CEPT1: variants seen among roughly 807,000 people sequenced by gnomAD.
The protein encoded by CEPT1 is choline/ethanolamine phosphotransferase 1.
A neutral mutation model predicts 42.6 loss-of-function variants in CEPT1; 7 were observed. The observed-to-expected ratio is 0.16, with a 90% confidence interval of 0.09 to 0.31. The LOEUF (loss-of-function observed/expected upper bound fraction) is 0.31. Ranked by LOEUF, CEPT1 falls within the 10% of genes least tolerant of loss-of-function variation. CEPT1 has a pLI of 1.00. For missense variants in CEPT1, 306 were observed against 502.1 expected (o/e 0.61, Z 3.73); for synonymous variants, 171 against 171.9 (o/e 0.99, Z 0.04).
At chr1:111,167,627 T>C in intron 4 of CEPT1, 1 of 979,226 alleles carries the variant, frequency 1.0e-6, no homozygotes, top group Non-Finnish European at 1.2e-6. Flanking sequence ...TTAACTTCTT[T>C]AGCATATACT....
chr1:111,150,623 A>G (rs556254763), intron 2 of CEPT1, among the ~76,000 whole-genome samples: 2 of 152,276 alleles, frequency 1.3e-5, no homozygotes, highest in Middle Eastern at 3.4e-3. Flanking sequence ...CGAACTTCCC[A>G]TATATTTTTT....
intron 1 of CEPT1, chr1:111,140,691 T>A (rs1654439921): frequency 6.6e-6 from 1 of 152,410 alleles, no homozygotes; most frequent in African/African-American, 2.4e-5. Context: ...GGACCTTGCT[T>A]GTCAGGTCCA....
intron 4 of CEPT1, among the ~76,000 whole-genome samples, chr1:111,171,295 A>G (rs974145789): frequency 6.6e-6 from 1 of 152,158 alleles, no homozygotes; most frequent in African/African-American, 2.4e-5. Context: ...TGCACTTCTG[A>G]TGTAATAACT....
At chr1:111,149,610 AAC>A (rs1350027128) in intron 2 of CEPT1, among the ~76,000 whole-genome samples, 1 of 152,218 alleles carries the variant, frequency 6.6e-6, no homozygotes, top group African/African-American at 2.4e-5. Flanking sequence ...ATACTTAAAA[AAC>A]ACAAACCAGT....
intron 4 of CEPT1, among the ~76,000 whole-genome samples, chr1:111,163,040 A>G (rs187854956): frequency 6.6e-6 from 1 of 152,312 alleles, no homozygotes; most frequent in East Asian, 1.9e-4. Flanking sequence ...AATGATTTAT[A>G]GAACAATAGC....
intron 4 of CEPT1, chr1:111,173,301 T>G (rs577572278): frequency 1.3e-5 from 2 of 152,302 alleles, no homozygotes; most frequent in East Asian, 3.9e-4. Flanking sequence ...AGTCCATTTT[T>G]TTTTTCAATG....
rs570106465 is a variant in CEPT1 at position 111,165,188 on chromosome 1, A to G, written c.629+3892A>G. ...CCTCAGCCTCTGAGTAGCTGGGACTACAGGCACCCGCCACCATGCCCGGCT... is the reference window on the plus strand; with the variant it reads ...CCTCAGCCTCTGAGTAGCTGGGACTGCAGGCACCCGCCACCATGCCCGGCT... On this transcript the variant is annotated intron_variant, in intron 4 of 8. Transcript: ENST00000357172. 4.0e-5 allele frequency among the ~76,000 whole-genome samples: 6 copies of G among 150,326 alleles called. No individual in the cohort carries two copies. In the South Asian group the frequency reaches 6.3e-4, roughly 16 times the overall value.
At chr1:111,163,934 A>T (rs1218025021) in intron 4 of CEPT1, among the ~76,000 whole-genome samples, 1 of 152,198 alleles carries the variant, frequency 6.6e-6, no homozygotes, top group Non-Finnish European at 1.5e-5. Flanking sequence ...TTATTTTTAA[A>T]CATGCTTATT....
chr1:111,167,892 C>A, intron 4 of CEPT1: 1 of 512,928 alleles, frequency 1.9e-6, no homozygotes, highest in Non-Finnish European at 2.5e-6. Context: ...TATCTTTTTC[C>A]TTTTTTTTTT....
At chr1:111,146,647 CT>C (rs1380453754) in intron 1 of CEPT1, among the ~76,000 whole-genome samples, 1 of 152,130 alleles carries the variant, frequency 6.6e-6, no homozygotes. Flanking sequence ...TTTCTCCATT[CT>C]GATTCATCTT....
chr1:111,140,870 G>A (rs1354620699), intron 1 of CEPT1, among the ~76,000 whole-genome samples: 1 of 152,208 alleles, frequency 6.6e-6, no homozygotes, highest in African/African-American at 2.4e-5. Flanking sequence ...TTGCTAGCTG[G>A]CGTTTATTTC....
chr1:111,144,911 ATTACT>A (rs1302931670), intron 1 of CEPT1, among the ~76,000 whole-genome samples: 1 of 152,224 alleles, frequency 6.6e-6, no homozygotes, highest in Non-Finnish European at 1.5e-5. Context: ...TTATATAAAC[ATTACT>A]TTAAAACAGT....
chr1:111,144,222 G>A (rs2101219290), intron 1 of CEPT1, among the ~76,000 whole-genome samples: 1 of 152,268 alleles, frequency 6.6e-6, no homozygotes, highest in South Asian at 2.1e-4. Context: ...CATGGTCATA[G>A]CCCCTGGATC....
chr1:111,145,523 G>A (rs560607924), intron 1 of CEPT1, among the ~76,000 whole-genome samples: 2 of 152,310 alleles, frequency 1.3e-5, no homozygotes, highest in South Asian at 4.2e-4. Flanking sequence ...TAGGGATATA[G>A]GAAAAAAGTC....
At chr1:111,174,496 C>G (rs772777002) in intron 4 of CEPT1, among the ~76,000 whole-genome samples, 4 of 151,760 alleles carry the variant, frequency 2.6e-5, no homozygotes, top group Non-Finnish European at 5.9e-5. Flanking sequence ...CTACAAAGCA[C>G]TTATTTCAAG....
intron 2 of CEPT1, among the ~76,000 whole-genome samples, chr1:111,150,850 C>T (rs2101254560): frequency 6.6e-6 from 1 of 152,106 alleles, no homozygotes; most frequent in South Asian, 2.1e-4. Context: ...CCAAAATTTC[C>T]CTTTGATCTG....
At position 111,182,948 on chromosome 1, in the gene CEPT1, T is replaced by C; in HGVS notation, c.996T>C (p.Asn332=). ...TFGFVSAKIT[N]KLVVAHMTKS... ...GTTTTGTGTCTGCTAAAATCACTAA[T>C]AAGCTTGTGGTAAGCACCTGAGTTT... The change falls in exon 7 of 9, where the codon AAT becomes AAC. Residue 332 remains asparagine, a synonymous_variant. Transcript: ENST00000357172. 1 of 1,612,150 alleles carries C rather than the reference T, an allele frequency of 6.2e-7. No individual in the cohort carries two copies. Among genetic ancestry groups the C allele is most frequent in the Non-Finnish European group, 8.5e-7 (1 of 1,179,176 alleles).
chr1:111,151,636 T>A (rs7552535), intron 2 of CEPT1, among the ~76,000 whole-genome samples: 22,175 of 152,172 alleles, frequency 0.15, 1,930 homozygotes, highest in South Asian at 0.28. Context: ...AGACCAAAGT[T>A]CTTTTGAAGT....
chr1:111,157,131 A>G (rs1164764038), intron 2 of CEPT1, among the ~76,000 whole-genome samples: 2 of 152,206 alleles, frequency 1.3e-5, no homozygotes, highest in East Asian at 3.8e-4. Context: ...GAAGAAGTAT[A>G]TAAATATTAG....
Sources: gnomAD v4.1 joint callset for allele counts (sites outside exome capture counted in the v4.1 genomes callset) on GRCh38, gnomAD v4.1.1 for gene constraint, MANE v1.5 for transcripts, NCBI Gene and HGNC (gene_info 2026-07-23, HGNC 2026-07-21) for gene names.